The following CYP4Z1 variants were observed in gnomAD, a reference collection of about 807,000 sequenced individuals.
The protein encoded by CYP4Z1 is cytochrome P450 4Z1.
In CYP4Z1, 41 loss-of-function variants were observed where a neutral mutation model predicts 54.2. The observed-to-expected ratio is 0.76, with a 90% CI of 0.59 to 0.98. The LOEUF (loss-of-function observed/expected upper bound fraction) is 0.98. Among genes scored for constraint, CYP4Z1 ranks in the 50% least tolerant of loss-of-function variants. CYP4Z1 has a pLI of 0.00. For synonymous variants in CYP4Z1, 163 were observed against 206.2 expected (o/e 0.79, Z 1.79); for missense variants, 513 against 599.0 (o/e 0.86, Z 1.50).
At chr1:47,087,831 T>C (rs909595078) in intron 6 of CYP4Z1, among the ~76,000 whole-genome samples, 1 of 152,184 alleles carries the variant, frequency 6.6e-6, no homozygotes, top group African/African-American at 2.4e-5. Context: ...AGCTGTGGGT[T>C]TGTCATAAAT....
intron 7 of CYP4Z1, among the ~76,000 whole-genome samples, chr1:47,096,014 T>C (rs1175874322): frequency 1.3e-5 from 2 of 152,160 alleles, no homozygotes; most frequent in African/African-American, 4.8e-5. Context: ...ACCTTGATCA[T>C]GTGAAACACG....
At chr1:47,087,955 T>C (rs559315378) in intron 6 of CYP4Z1, among the ~76,000 whole-genome samples, 3 of 152,226 alleles carry the variant, frequency 2.0e-5, no homozygotes, top group African/African-American at 7.2e-5. Flanking sequence ...GGGAAAATCA[T>C]GTGGTTTTTG....
At chr1:47,059,026 G>C in the CYP4Z1 span, among the ~76,000 whole-genome samples, 1 of 152,038 alleles carries the variant, frequency 6.6e-6, no homozygotes, top group Non-Finnish European at 1.5e-5. Flanking sequence ...AAGGATAAAG[G>C]CTAATATAAT....
chr1:47,057,049 A>G, the CYP4Z1 span, among the ~76,000 whole-genome samples: 63,742 of 151,514 alleles, frequency 0.42, 14,764 homozygotes, highest in East Asian at 0.97. Context: ...TTTTTGCAGT[A>G]GCTGGTGCCA....
At chr1:47,105,038 G>A (rs1644747210) in intron 8 of CYP4Z1, among the ~76,000 whole-genome samples, 1 of 152,190 alleles carries the variant, frequency 6.6e-6, no homozygotes, top group Admixed American at 6.5e-5. Context: ...AAAGGCTTTT[G>A]TGGGATGAGG....
chr1:47,116,092 C>G (rs1343631426), intron 10 of CYP4Z1, among the ~76,000 whole-genome samples: 2 of 152,162 alleles, frequency 1.3e-5, no homozygotes, highest in Admixed American at 1.3e-4. Context: ...AGAACAAGCA[C>G]ACTCCTGGGC....
chr1:47,092,333 G>A (rs1569729429), intron 6 of CYP4Z1, among the ~76,000 whole-genome samples: 2 of 152,054 alleles, frequency 1.3e-5, no homozygotes, highest in South Asian at 4.1e-4. Flanking sequence ...TATTATAAAA[G>A]ACCAAAGTGG....
At chr1:47,068,150 G>C (rs1171005637) in intron 1 of CYP4Z1, among the ~76,000 whole-genome samples, 2 of 152,194 alleles carry the variant, frequency 1.3e-5, no homozygotes, top group African/African-American at 4.8e-5. Context: ...TGCTTTGGAG[G>C]CAGATAAAGC....
intron 6 of CYP4Z1, among the ~76,000 whole-genome samples, chr1:47,087,861 T>C (rs1398694160): frequency 6.6e-6 from 1 of 152,216 alleles, no homozygotes; most frequent in Non-Finnish European, 1.5e-5. Flanking sequence ...TATTTTGAGA[T>C]ACATCCCATC....
At chr1:47,076,784 G>T (rs1056515423) in intron 2 of CYP4Z1, among the ~76,000 whole-genome samples, 1 of 142,060 alleles carries the variant, frequency 7.0e-6, no homozygotes, top group Non-Finnish European at 1.5e-5. Flanking sequence ...GGCGGACCTT[G>T]CAGTGAGCCG....
the CYP4Z1 span, among the ~76,000 whole-genome samples, chr1:47,058,325 C>A: frequency 6.6e-6 from 1 of 152,004 alleles, no homozygotes; most frequent in African/African-American, 2.4e-5. Flanking sequence ...CCAATAAAGA[C>A]CTTCAGGCTG....
intron 9 of CYP4Z1, among the ~76,000 whole-genome samples, chr1:47,115,262 C>T (rs1171537546): frequency 6.6e-6 from 1 of 151,956 alleles, no homozygotes; most frequent in East Asian, 1.9e-4. Context: ...CACATTGACA[C>T]AGGAAGGGGA....
upstream of CYP4Z1, among the ~76,000 whole-genome samples, chr1:47,063,212 C>G (rs999954486): frequency 6.6e-6 from 1 of 152,102 alleles, no homozygotes; most frequent in Non-Finnish European, 1.5e-5. Flanking sequence ...AAGGGAGCAC[C>G]CCTTGGGACA....
intron 2 of CYP4Z1, among the ~76,000 whole-genome samples, chr1:47,076,776 C>T (rs371102150): frequency 1.4e-5 from 2 of 143,322 alleles, no homozygotes; most frequent in Admixed American, 1.4e-4. Flanking sequence ...ACCCAGGAGG[C>T]GGACCTTGCA....
Position 47,118,002 on chromosome 1 carries a change from TATA to T in CYP4Z1, c.*72_*74del. 1 of 1,472,516 alleles carries T rather than the reference TATA, an allele frequency of 6.8e-7. No homozygotes were observed. Among genetic ancestry groups the T allele is most frequent in the South Asian group, 1.2e-5 (1 of 80,174 alleles). 91.2% of individuals were successfully genotyped at this position (1,472,516 alleles called of 1,614,324 possible). On this transcript the variant is annotated 3_prime_UTR_variant, in exon 12 of 12. Coordinates refer to ENST00000334194, the MANE Select transcript of CYP4Z1 (RefSeq NM_178134.3). The stretch of plus-strand genomic sequence containing the variant: ...ACCAAAGGAAGAACAAAAGGATAAA[TATA>T]ATACAAAATATATGTATATGGTTGT...
chr1:47,069,692 A>T lies in CYP4Z1; in HGVS notation c.319+929A>T, dbSNP rs564863891. 2.3e-4 allele frequency among the ~76,000 whole-genome samples: 35 copies of T among 151,908 alleles called. 1 individual carries two copies. Among genetic ancestry groups the T allele is most frequent in the Admixed American group, 7.9e-4 (12 of 15,246 alleles). On this transcript the variant is annotated intron_variant, in intron 2 of 11. Coordinates refer to ENST00000334194, the MANE Select transcript of CYP4Z1 (RefSeq NM_178134.3). ...AGTGTGTTCACTCCCTTGAGAAGGG[A>T]GGCTTAGTTTCTGGCTGTTTTTCTT...
chr1:47,088,822 A>G (rs2148532294), intron 6 of CYP4Z1, among the ~76,000 whole-genome samples: 2 of 131,776 alleles, frequency 1.5e-5, no homozygotes, highest in Middle Eastern at 7.0e-3. Flanking sequence ...GGGTTTCACC[A>G]TTTTGTGCAG....
upstream of CYP4Z1, among the ~76,000 whole-genome samples, chr1:47,066,952 A>G (rs1207749705): frequency 6.6e-6 from 1 of 152,038 alleles, no homozygotes; most frequent in African/African-American, 2.4e-5. Flanking sequence ...TTGTAGGTTC[A>G]TTAAATGTAA....
intron 9 of CYP4Z1, among the ~76,000 whole-genome samples, chr1:47,107,447 T>C (rs1333438090): frequency 1.3e-5 from 2 of 152,112 alleles, no homozygotes; most frequent in African/African-American, 2.4e-5. Context: ...AGAAGTTTCC[T>C]CTTTTTAATT....
Sources: gnomAD v4.1 joint callset for allele counts (sites outside exome capture counted in the v4.1 genomes callset) on GRCh38, gnomAD v4.1.1 for gene constraint, MANE v1.5 for transcripts, NCBI Gene and HGNC (gene_info 2026-07-23, HGNC 2026-07-21) for gene names.